SFMBT2: variants seen among roughly 807,000 people sequenced by gnomAD.
SFMBT2 encodes Scm like with four mbt domains 2, also known as scm-like with four MBT domains protein 2.
In SFMBT2, 38 loss-of-function variants were observed where a neutral mutation model predicts 110.1. The observed-to-expected ratio is 0.35, with a 90% confidence interval of 0.27 to 0.45. The LOEUF (loss-of-function observed/expected upper bound fraction) is 0.45, where lower values mean the gene tolerates loss of function less well. SFMBT2 is among the 20% of genes least tolerant of loss of function. SFMBT2 has a pLI of 1.00. For synonymous variants in SFMBT2, 425 were observed against 425.4 expected (o/e 1.00, Z 0.01); for missense variants, 1,011 against 1,094.9 (o/e 0.92, Z 1.08).
At chr10:7,398,259 A>C (rs1297951684) in intron 1 of SFMBT2, among the ~76,000 whole-genome samples, 1 of 152,192 alleles carries the variant, frequency 6.6e-6, no homozygotes, top group Non-Finnish European at 1.5e-5. Flanking sequence ...CCTCCCAATC[A>C]AACAATGTAT....
chr10:7,206,171 G>C, intron 11 of SFMBT2: 1 of 985,364 alleles, frequency 1.0e-6, no homozygotes, highest in Non-Finnish European at 1.2e-6. Context: ...AGAAAACGAA[G>C]GTTTGGAAAA....
At chr10:7,381,717 C>T (rs1845427146) in intron 2 of SFMBT2, 82 bp downstream of exon 2, 1 of 1,415,824 alleles carries the variant, frequency 7.1e-7, no homozygotes, top group African/African-American at 1.4e-5. Flanking sequence ...ACAAATGTTG[C>T]CCCATTGTTT....
At chr10:7,271,424 GAC>G (rs1295798049) in intron 7 of SFMBT2, among the ~76,000 whole-genome samples, 1 of 151,984 alleles carries the variant, frequency 6.6e-6, no homozygotes, top group Non-Finnish European at 1.5e-5. Context: ...GGACAGGAAA[GAC>G]ACAGTCCTTG....
intron 4 of SFMBT2, among the ~76,000 whole-genome samples, chr10:7,345,539 A>G (rs902404521): frequency 3.3e-5 from 5 of 152,140 alleles, no homozygotes; most frequent in African/African-American, 1.2e-4. Flanking sequence ...TTGTATTTTT[A>G]GTAAAGACGG....
intron 9 of SFMBT2, chr10:7,228,504 A>C: frequency 3.7e-6 from 1 of 267,560 alleles, no homozygotes; most frequent in Non-Finnish European, 5.8e-6. Context: ...AAGGAAGGCA[A>C]ACGTTGCCCT....
chr10:7,400,908 G>A (rs185321118), intron 1 of SFMBT2, among the ~76,000 whole-genome samples: 11 of 152,160 alleles, frequency 7.2e-5, no homozygotes, highest in Non-Finnish European at 1.2e-4. Flanking sequence ...CGAGGCGGGC[G>A]GATTACCTGA....
Position 7,191,443 on chromosome 10 carries a change from G to A in SFMBT2, c.1699-2710C>T, listed in dbSNP as rs115808820. On this transcript the variant is annotated intron_variant, in intron 15 of 20. Coordinates refer to ENST00000397167, the MANE Select transcript of SFMBT2 (RefSeq NM_001387889.1). ...CTCACCTCCCAACAACCGCCAGGGCGATCCTTTCAACAGGTCAGATCAGGC... is the reference window on the plus strand; with the variant it reads ...CTCACCTCCCAACAACCGCCAGGGCAATCCTTTCAACAGGTCAGATCAGGC... Among the ~76,000 whole-genome samples, 57 of 152,318 alleles carry A rather than the reference G, an allele frequency of 3.7e-4. 1 individual carries two copies. Among genetic ancestry groups the A allele is most frequent in the Admixed American group, 1.3e-3 (20 of 15,310 alleles).
At chr10:7,350,458 C>T (rs1844275602) in intron 4 of SFMBT2, among the ~76,000 whole-genome samples, 1 of 152,226 alleles carries the variant, frequency 6.6e-6, no homozygotes, top group Non-Finnish European at 1.5e-5. Context: ...ATGACGGCTC[C>T]AGCTTCTGTC....
At position 7,208,272 on chromosome 10, in the gene SFMBT2, TC is replaced by T. The variant is rs200011736; in HGVS notation, c.1331-2345del. 5.5e-3 allele frequency among the ~76,000 whole-genome samples: 836 copies of T among 152,260 alleles called. 6 individuals are homozygous for T. The highest frequency in any genetic ancestry group is 0.019 in the African/African-American group (773 of 41,540). ...CCTGGTACACAAGGTCATTTTCTCC[TC>T]CGCAGACCCAAAGAGCATTTGTTTC... On this transcript the variant is annotated intron_variant, in intron 11 of 20. Transcript: ENST00000397167.
chr10:7,209,592 T>A (rs1042092822), intron 11 of SFMBT2, among the ~76,000 whole-genome samples: 1 of 152,230 alleles, frequency 6.6e-6, no homozygotes. Context: ...ATCTCCAAGA[T>A]GCACTGCCGA....
intron 4 of SFMBT2, among the ~76,000 whole-genome samples, chr10:7,325,109 A>T (rs1303815190): frequency 6.6e-6 from 1 of 151,914 alleles, no homozygotes; most frequent in Non-Finnish European, 1.5e-5. Context: ...CTGGGATTAC[A>T]GGTGCCCGCC....
At position 7,172,677 on chromosome 10, in the gene SFMBT2, T is replaced by C. The variant is rs1362494907; in HGVS notation, c.1985-16A>G. ...TAGTAATAGGCTGTAGGAAGGAAGA[T>C]GAGAAACTTTTGAAGGCTATACACA... On this transcript the variant is annotated splice_polypyrimidine_tract_variant and intron_variant, in intron 17 of 20. Coordinates refer to ENST00000397167, the MANE Select transcript of SFMBT2 (RefSeq NM_001387889.1). The surrounding 1 kb of genome is among the most constrained non-coding windows in gnomAD (Gnocchi z 4.6). The C allele has an allele frequency of 6.8e-6, 11 of 1,606,292 alleles. No homozygotes were observed. Among genetic ancestry groups the C allele is most frequent in the South Asian group, 1.1e-5 (1 of 90,496 alleles).
intron 11 of SFMBT2, among the ~76,000 whole-genome samples, chr10:7,210,500 C>G (rs891890305): frequency 6.6e-6 from 1 of 152,172 alleles, no homozygotes. Flanking sequence ...AAAATCGGAA[C>G]AACTGCTTCA....
chr10:7,368,825 G>C (rs1481300828), intron 3 of SFMBT2, among the ~76,000 whole-genome samples: 1 of 152,186 alleles, frequency 6.6e-6, no homozygotes, highest in Non-Finnish European at 1.5e-5. Flanking sequence ...TCATATGCTT[G>C]AAAGCTTTGC....
chr10:7,348,264 AAG>A (rs1267028417), intron 4 of SFMBT2: 2 of 1,502,190 alleles, frequency 1.3e-6, no homozygotes, highest in Non-Finnish European at 8.9e-7. Flanking sequence ...GACGGTCTCG[AAG>A]AAGTTTTGAG....
intron 9 of SFMBT2, among the ~76,000 whole-genome samples, chr10:7,242,149 C>G (rs1840451578): frequency 6.6e-6 from 1 of 152,100 alleles, no homozygotes. Context: ...CACCTACTAC[C>G]AATAGGTCGT....
chr10:7,341,044 G>A (rs1375681457), intron 4 of SFMBT2, among the ~76,000 whole-genome samples: 4 of 152,140 alleles, frequency 2.6e-5, no homozygotes, highest in Admixed American at 6.5e-5. Flanking sequence ...TTTCTGCAGC[G>A]TGAAATGTGA....
At position 7,293,134 on chromosome 10, in the gene SFMBT2, C is replaced by T. The variant is rs1842309592; in HGVS notation, c.437-7180G>A. 6.6e-6 allele frequency among the ~76,000 whole-genome samples: 1 copy of T among 152,120 alleles called. No homozygotes were observed. Among genetic ancestry groups the T allele is most frequent in the African/African-American group, 2.4e-5 (1 of 41,442 alleles). ...CGCGATCTCGACTCACTGCAACCTCCACCTCCTGGGTTCAAGCGATTCTCC... is the reference window on the plus strand; with the variant it reads ...CGCGATCTCGACTCACTGCAACCTCTACCTCCTGGGTTCAAGCGATTCTCC... On this transcript the variant is annotated intron_variant, in intron 4 of 20. Transcript: ENST00000397167. The surrounding 1 kb of genome is among the most constrained non-coding windows in gnomAD (Gnocchi z 4.6).
intron 4 of SFMBT2, among the ~76,000 whole-genome samples, chr10:7,361,962 A>C (rs1844733429): frequency 6.6e-6 from 1 of 152,196 alleles, no homozygotes; most frequent in Non-Finnish European, 1.5e-5. Flanking sequence ...ATAACAATGA[A>C]GTCGTCACTG....
Sources: gnomAD v4.1 joint callset for allele counts (sites outside exome capture counted in the v4.1 genomes callset) on GRCh38, gnomAD v4.1.1 for gene constraint, Gnocchi (gnomAD v3.1) non-coding constraint, MANE v1.5 for transcripts, NCBI Gene and HGNC (gene_info 2026-07-23, HGNC 2026-07-21) for gene names.